The following BCORL1 variants were observed in gnomAD, a reference collection of about 807,000 sequenced individuals.
BCORL1 encodes BCL-6 corepressor-like protein 1.
In BCORL1, 7 loss-of-function variants were observed where a neutral mutation model predicts 87.6. The observed-to-expected ratio is 0.08, with a 90% CI of 0.05 to 0.15. The LOEUF is 0.15. Ranked by LOEUF, BCORL1 falls within the 10% of genes least tolerant of loss-of-function variation. The probability of loss-of-function intolerance (pLI) is 1.00; values close to 1 mark genes in which losing one functional copy is unlikely to be tolerated. For synonymous variants in BCORL1, 591 were observed against 634.4 expected (o/e 0.93, Z 1.03); for missense variants, 1,215 against 1,499.7 (o/e 0.81, Z 3.13).
At chrX:130,004,739 A>G (rs1220955080) in intron 1 of BCORL1, among the ~76,000 whole-genome samples, 1 of 111,997 alleles carries the variant, frequency 8.9e-6, no homozygotes, top group Non-Finnish European at 1.9e-5. Context: ...GAAGAGTGTA[A>G]ATTGGCTACG....
intron 1 of BCORL1, among the ~76,000 whole-genome samples, chrX:129,984,289 G>A: frequency 9.4e-6 from 1 of 106,163 alleles, no homozygotes; most frequent in Non-Finnish European, 2.0e-5. Flanking sequence ...TGCCGGGGCA[G>A]AGGGCGCAGG....
At chrX:129,986,435 G>A (rs1451926112) in intron 1 of BCORL1, among the ~76,000 whole-genome samples, 2 of 111,743 alleles carry the variant, frequency 1.8e-5, no homozygotes, top group Non-Finnish European at 3.8e-5. Context: ...TAAAGAGGGA[G>A]GATCCCTTTC....
intron 2 of BCORL1, among the ~76,000 whole-genome samples, chrX:130,012,300 A>G (rs893281499): frequency 3.6e-5 from 4 of 111,384 alleles, no homozygotes; most frequent in Non-Finnish European, 5.7e-5. Flanking sequence ...TAGGGTGTCC[A>G]CACTCCTGGC....
At chrX:130,051,227 G>A (rs558270319) in intron 12 of BCORL1, among the ~76,000 whole-genome samples, 1 of 112,399 alleles carries the variant, frequency 8.9e-6, no homozygotes, top group Middle Eastern at 4.6e-3. Context: ...TACTGTCTTC[G>A]GAGCCCTTAG....
chrX:130,055,897 A>G lies in BCORL1; in HGVS notation c.5119A>G (p.Lys1707Glu). The change falls in exon 14 of 14, where the codon AAG becomes GAG. Residue 1707 changes from lysine (K) to glutamate (E), a missense_variant. By Grantham distance (56) the Lys-to-Glu change is moderately conservative. This residue lies in a region of BCORL1 where 129 missense variants were observed against 157.5 expected (regional missense o/e 0.82). Coordinates refer to ENST00000540052, the MANE Select transcript of BCORL1 (RefSeq NM_001379451.1). Reference sequence around the variant, plus strand: ...CTTTTCCGATGTCTTGAAGAGGCTGAAGCTTTCCTCGAGGATCTTTCAGGC... The same window carrying G: ...CTTTTCCGATGTCTTGAAGAGGCTGGAGCTTTCCTCGAGGATCTTTCAGGC... Reference protein sequence around the residue: ...FLFSDVLKRLKLSSRIFQARF... With the variant: ...FLFSDVLKRLELSSRIFQARF... The G allele has an allele frequency of 8.3e-7, 1 of 1,211,681 alleles. No homozygotes were observed. The highest frequency in any genetic ancestry group is 3.0e-5 in the East Asian group (1 of 33,856).
intron 11 of BCORL1, among the ~76,000 whole-genome samples, chrX:130,048,007 G>A (rs1001136544): frequency 6.3e-5 from 7 of 111,730 alleles, no homozygotes; most frequent in Non-Finnish European, 1.1e-4. Context: ...AGCCGACAGC[G>A]GGACTGCAGT....
chrX:130,029,719 C>G (rs1403439918), intron 8 of BCORL1, among the ~76,000 whole-genome samples: 1 of 108,165 alleles, frequency 9.2e-6, no homozygotes, highest in African/African-American at 3.4e-5. Context: ...GGCACGATCT[C>G]GGCTCACTGT....
chrX:129,986,420 GTAGA>G (rs1926626308), intron 1 of BCORL1, among the ~76,000 whole-genome samples: 3 of 111,882 alleles, frequency 2.7e-5, no homozygotes, highest in African/African-American at 9.7e-5. Context: ...CCAGGAAAGC[GTAGA>G]TAAAGAGGGA....
chrX:130,028,608 C>T lies in BCORL1; in HGVS notation c.4079-27C>T, dbSNP rs377585774. The T allele has an allele frequency of 9.4e-4, 1,072 of 1,145,011 alleles. 4 individuals are homozygous for T. The South Asian group carries it at 0.011, about 12-fold the overall frequency. The allele number at this position is 1,145,011 out of a possible 1,213,427, so 94.4% of individuals were successfully genotyped here. On this transcript the variant is annotated intron_variant, in intron 7 of 13. Coordinates refer to ENST00000540052, the MANE Select transcript of BCORL1 (RefSeq NM_001379451.1). ...TTCTGTGTTCCATTTCTCTGACATC[C>T]GTTCTTTTCCTGTTTCTTGCCTTCA...
chrX:130,001,571 C>T (rs1478289885), intron 1 of BCORL1, among the ~76,000 whole-genome samples: 1 of 111,050 alleles, frequency 9.0e-6, no homozygotes, highest in Admixed American at 9.6e-5. Context: ...AGGGGGATGA[C>T]ATGATGACAT....
At chrX:129,989,486 G>T (rs1338603004) in intron 1 of BCORL1, among the ~76,000 whole-genome samples, 5 of 49,707 alleles carry the variant, frequency 1.0e-4, no homozygotes, top group African/African-American at 1.9e-4. Flanking sequence ...TTTTTTAACC[G>T]GAGACAGTCT....
chrX:130,028,926 G>C, intron 8 of BCORL1, 65 bp downstream of exon 8: 1 of 386,934 alleles, frequency 2.6e-6, no homozygotes, highest in South Asian at 3.3e-5. Flanking sequence ...AGGCAGGAGG[G>C]GGGTGGGGGA....
chrX:130,049,211 A>C (rs995294460), intron 11 of BCORL1, among the ~76,000 whole-genome samples: 1 of 112,223 alleles, frequency 8.9e-6, no homozygotes, highest in African/African-American at 3.2e-5. Flanking sequence ...TTACCTTTTG[A>C]GGAACGACCA....
chrX:129,983,582 C>T (rs1404835386), intron 1 of BCORL1, among the ~76,000 whole-genome samples: 1 of 103,410 alleles, frequency 9.7e-6, no homozygotes, highest in African/African-American at 3.6e-5. Flanking sequence ...TAGGTGGCGG[C>T]GGGGCCTGGG....
intron 11 of BCORL1, among the ~76,000 whole-genome samples, chrX:130,043,032 CTTT>C (rs748652223): frequency 4.2e-5 from 4 of 94,285 alleles, no homozygotes; most frequent in Admixed American, 1.1e-4. Context: ...AGTACATTCT[CTTT>C]TTTTTTTTTT....
At chrX:129,985,836 G>T (rs763575270) in intron 1 of BCORL1, among the ~76,000 whole-genome samples, 1 of 110,743 alleles carries the variant, frequency 9.0e-6, no homozygotes, top group Non-Finnish European at 1.9e-5. Flanking sequence ...TTTGCAACAA[G>T]GGTGGTTAGG....
chrX:130,018,094 G>A (rs1929569331), intron 4 of BCORL1, among the ~76,000 whole-genome samples: 1 of 112,284 alleles, frequency 8.9e-6, no homozygotes. Flanking sequence ...GCCAGACACG[G>A]AGCCTGGGTT....
At chrX:129,990,006 G>A (rs1478762669) in intron 1 of BCORL1, among the ~76,000 whole-genome samples, 1 of 109,739 alleles carries the variant, frequency 9.1e-6, no homozygotes. Context: ...GGCTGGTCTC[G>A]AACTCCTGAC....
At chrX:130,047,767 T>A (rs1436811247) in intron 11 of BCORL1, among the ~76,000 whole-genome samples, 1 of 111,661 alleles carries the variant, frequency 9.0e-6, no homozygotes, top group Non-Finnish European at 1.9e-5. Flanking sequence ...TCTCCATATA[T>A]TTATTAAGCT....
Sources: allele counts gnomAD v4.1 joint callset (sites outside exome capture counted in the v4.1 genomes callset), GRCh38; gene constraint gnomAD v4.1.1; regional missense constraint gnomAD v4.1.1; transcripts MANE v1.5; gene names NCBI Gene and HGNC (gene_info 2026-07-23, HGNC 2026-07-21).